Variants in ARHGAP26 observed in about 807,000 individuals in gnomAD.
ARHGAP26 encodes Rho GTPase activating protein 26.
Under a neutral mutation model 104.8 loss-of-function variants are expected in ARHGAP26, and 38 were observed. That is an observed-to-expected ratio of 0.36 (90% CI 0.28 to 0.48). ARHGAP26 has a LOEUF of 0.48. ARHGAP26 is among the 20% of genes least tolerant of loss of function. The probability of loss-of-function intolerance (pLI) is 0.99; values close to 1 mark genes in which losing one functional copy is unlikely to be tolerated. For missense variants in ARHGAP26, 704 were observed against 947.9 expected (o/e 0.74, Z 3.38); for synonymous variants, 341 against 340.0 (o/e 1.00, Z -0.03).
intron 1 of ARHGAP26, among the ~76,000 whole-genome samples, chr5:142,839,397 G>A (rs922512510): frequency 1.1e-4 from 17 of 151,950 alleles, no homozygotes; most frequent in African/African-American, 4.1e-4. Context: ...ACAGATATAG[G>A]AAGCTAATGT....
chr5:143,105,830 T>G (rs568907867), intron 17 of ARHGAP26, among the ~76,000 whole-genome samples: 1 of 152,374 alleles, frequency 6.6e-6, no homozygotes, highest in Admixed American at 6.5e-5. Context: ...CGTGTAGGAT[T>G]TATTAACTCA....
intron 1 of ARHGAP26, among the ~76,000 whole-genome samples, chr5:142,810,456 C>G (rs392543): frequency 9.9e-5 from 15 of 152,120 alleles, no homozygotes; most frequent in African/African-American, 2.4e-4. Context: ...AATGAACATG[C>G]CTTTTTGTGT....
chr5:142,982,666 A>C (rs542653396), intron 11 of ARHGAP26, among the ~76,000 whole-genome samples: 158 of 152,312 alleles, frequency 1.0e-3, no homozygotes, highest in Non-Finnish European at 2.0e-3. Flanking sequence ...CTTTTGTTGT[A>C]TACCTTTCTT....
intron 3 of ARHGAP26, among the ~76,000 whole-genome samples, chr5:142,878,478 G>A (rs529463360): frequency 3.2e-4 from 48 of 152,122 alleles, no homozygotes; most frequent in Admixed American, 7.2e-4. Context: ...TCTTTGTTTT[G>A]GGGATAGTGG....
intron 11 of ARHGAP26, among the ~76,000 whole-genome samples, chr5:142,951,443 A>G (rs990776157): frequency 8.5e-5 from 13 of 152,150 alleles, no homozygotes; most frequent in African/African-American, 3.1e-4. Context: ...AAGCACCAAT[A>G]TTTATTGCTT....
At chr5:143,120,074 A>G (rs1203870164) in intron 17 of ARHGAP26, among the ~76,000 whole-genome samples, 1 of 152,208 alleles carries the variant, frequency 6.6e-6, no homozygotes, top group African/African-American at 2.4e-5. Context: ...CCTTCTTGTA[A>G]CAGGTGATTT....
intron 11 of ARHGAP26, among the ~76,000 whole-genome samples, chr5:142,984,994 T>C (rs981816904): frequency 1.3e-5 from 2 of 152,112 alleles, no homozygotes; most frequent in African/African-American, 4.8e-5. Context: ...ATTGTTATCA[T>C]AGACGACAGC....
intron 11 of ARHGAP26, among the ~76,000 whole-genome samples, chr5:142,974,612 T>TG (rs745931401): frequency 5.3e-4 from 80 of 152,342 alleles, no homozygotes; most frequent in Non-Finnish European, 9.1e-4. Context: ...GCTCCCATCA[T>TG]GGGTGGATGA....
intron 17 of ARHGAP26, among the ~76,000 whole-genome samples, chr5:143,108,092 A>G (rs1330139147): frequency 6.6e-6 from 1 of 152,196 alleles, no homozygotes; most frequent in Non-Finnish European, 1.5e-5. Flanking sequence ...TTAGGCTTGA[A>G]CTTACATTGA....
At chr5:143,158,179 G>A (rs957931200) in intron 20 of ARHGAP26, among the ~76,000 whole-genome samples, 12 of 152,120 alleles carry the variant, frequency 7.9e-5, no homozygotes, top group African/African-American at 2.9e-4. Flanking sequence ...GGTGGCAGTG[G>A]ATGGACACTC....
intron 17 of ARHGAP26, among the ~76,000 whole-genome samples, chr5:143,092,075 C>T (rs1055020271): frequency 3.3e-5 from 5 of 151,988 alleles, no homozygotes; most frequent in Non-Finnish European, 5.9e-5. Flanking sequence ...TGCATAAATT[C>T]CCTTTTATAA....
rs540527048 is a variant in ARHGAP26 at position 143,062,876 on chromosome 5, T to G, written c.1538+5129T>G. Among the ~76,000 whole-genome samples the G allele has an allele frequency of 7.2e-5, 11 of 152,372 alleles. No homozygotes were observed. The South Asian group carries it at 1.2e-3, about 17-fold the overall frequency. On this transcript the variant is annotated intron_variant, in intron 17 of 22. Transcript: ENST00000645722. ...CCAATGAGCTGTTAAACATGAGAAG[T>G]GCTAGTTATTCATTTGCCATCAAGA...
intron 17 of ARHGAP26, among the ~76,000 whole-genome samples, chr5:143,106,242 T>C (rs1249673604): frequency 6.6e-6 from 1 of 152,136 alleles, no homozygotes; most frequent in Admixed American, 6.5e-5. Flanking sequence ...CAGTGGGATC[T>C]ATTAGTGACA....
chr5:143,213,155 C>T (rs1010122252), intron 21 of ARHGAP26, among the ~76,000 whole-genome samples: 8 of 152,142 alleles, frequency 5.3e-5, no homozygotes, highest in Admixed American at 2.0e-4. Flanking sequence ...AACAAACAAA[C>T]AAAAACTACT....
chr5:142,977,550 C>T (rs1252093426), intron 11 of ARHGAP26, among the ~76,000 whole-genome samples: 2 of 152,106 alleles, frequency 1.3e-5, no homozygotes, highest in African/African-American at 4.8e-5. Context: ...TTTCCCCCTG[C>T]TGGATACGGA....
At chr5:143,071,872 T>A (rs995444647) in intron 17 of ARHGAP26, among the ~76,000 whole-genome samples, 1 of 152,086 alleles carries the variant, frequency 6.6e-6, no homozygotes. Context: ...TCCACTGCAC[T>A]CCAGCCTGGG....
At chr5:142,966,321 G>A (rs1771322904) in intron 11 of ARHGAP26, among the ~76,000 whole-genome samples, 1 of 152,132 alleles carries the variant, frequency 6.6e-6, no homozygotes, top group African/African-American at 2.4e-5. Context: ...CCCCAATAGG[G>A]TTCAACTTTG....
chr5:142,867,057 A>G (rs1754414214), intron 1 of ARHGAP26, among the ~76,000 whole-genome samples: 1 of 152,070 alleles, frequency 6.6e-6, no homozygotes, highest in Non-Finnish European at 1.5e-5. Flanking sequence ...TCCACTGGAC[A>G]TTTCTAGGTG....
chr5:142,953,948 C>G (rs972698346), intron 11 of ARHGAP26, among the ~76,000 whole-genome samples: 2 of 152,282 alleles, frequency 1.3e-5, no homozygotes, highest in South Asian at 4.1e-4. Flanking sequence ...AGACTTGGGT[C>G]TCTGTTGGTA....
Sources: gnomAD v4.1 joint callset for allele counts (sites outside exome capture counted in the v4.1 genomes callset) on GRCh38, gnomAD v4.1.1 for gene constraint, MANE v1.5 for transcripts, NCBI Gene and HGNC (gene_info 2026-07-23, HGNC 2026-07-21) for gene names.